The following EYA4 variants were observed in gnomAD, a reference collection of about 807,000 sequenced individuals.
The protein encoded by EYA4 is EYA transcriptional coactivator and phosphatase 4, also known as protein phosphatase EYA4.
In EYA4, 31 loss-of-function variants were observed where a neutral mutation model predicts 87.9. The observed-to-expected ratio is 0.35, with a 90% CI of 0.27 to 0.48. The LOEUF (loss-of-function observed/expected upper bound fraction) is 0.48, where lower values mean the gene tolerates loss of function less well. EYA4 is among the 20% of genes least tolerant of loss of function. The pLI, the probability that EYA4 is intolerant of heterozygous loss-of-function variation, is 0.99. For synonymous variants in EYA4, 263 were observed against 270.6 expected (o/e 0.97, Z 0.28); for missense variants, 678 against 761.4 (o/e 0.89, Z 1.29).
chr6:133,524,566 C>T (rs1476697778), intron 18 of EYA4, among the ~76,000 whole-genome samples: 1 of 152,174 alleles, frequency 6.6e-6, no homozygotes, highest in Non-Finnish European at 1.5e-5. Context: ...GGCTAACTCT[C>T]ACCCACTTGA....
chr6:133,265,009 C>T (rs1294252298), intron 1 of EYA4, among the ~76,000 whole-genome samples: 1 of 152,164 alleles, frequency 6.6e-6, no homozygotes, highest in Non-Finnish European at 1.5e-5. Flanking sequence ...AGGGACCTTA[C>T]AGTCTCTCCC....
intron 3 of EYA4, among the ~76,000 whole-genome samples, chr6:133,440,168 T>C (rs1792129174): frequency 6.6e-6 from 1 of 152,240 alleles, no homozygotes; most frequent in Non-Finnish European, 1.5e-5. Flanking sequence ...TATAAAATGT[T>C]ATTTCATTCT....
chr6:133,322,056 C>A (rs1272848706), intron 2 of EYA4, among the ~76,000 whole-genome samples: 1 of 152,140 alleles, frequency 6.6e-6, no homozygotes, highest in African/African-American at 2.4e-5. Flanking sequence ...GGATTTTGAG[C>A]CAGAGGGCTT....
At chr6:133,256,656 A>G (rs1287213276) in intron 1 of EYA4, among the ~76,000 whole-genome samples, 3 of 152,224 alleles carry the variant, frequency 2.0e-5, no homozygotes, top group East Asian at 3.9e-4. Flanking sequence ...ACTTATTATA[A>G]TCTGTTTAAT....
At chr6:133,523,550 G>A (rs1192878188) in intron 18 of EYA4, among the ~76,000 whole-genome samples, 1 of 152,122 alleles carries the variant, frequency 6.6e-6, no homozygotes, top group Non-Finnish European at 1.5e-5. Flanking sequence ...TGGCTTTGCA[G>A]GGGATTCTTT....
At chr6:133,259,629 A>G (rs1452770700) in intron 1 of EYA4, among the ~76,000 whole-genome samples, 1 of 152,244 alleles carries the variant, frequency 6.6e-6, no homozygotes, top group Non-Finnish European at 1.5e-5. Flanking sequence ...AAATTTAAGG[A>G]AAGCAAACAG....
At chr6:133,275,282 C>A (rs2128269830) in intron 2 of EYA4, among the ~76,000 whole-genome samples, 1 of 152,292 alleles carries the variant, frequency 6.6e-6, no homozygotes, top group African/African-American at 2.4e-5. Flanking sequence ...AATGCACCAG[C>A]TTGATGGCAA....
Position 133,249,301 on chromosome 6 carries a change from G to A in EYA4, c.-66+7552G>A, listed in dbSNP as rs557937258. Among the ~76,000 whole-genome samples, 45 of 152,240 alleles carry A rather than the reference G, an allele frequency of 3.0e-4. 1 individual carries two copies. The highest frequency in any genetic ancestry group is 1.0e-3 in the African/African-American group (43 of 41,538). ...ACAATTGTCCTATACACACTTGTTC[G>A]TATTAATGTTGTCATAACAAATATA... On this transcript the variant is annotated intron_variant, in intron 1 of 19. Coordinates refer to ENST00000355286, the MANE Select transcript of EYA4 (RefSeq NM_004100.5).
At chr6:133,245,602 A>G (rs946937596) in intron 1 of EYA4, among the ~76,000 whole-genome samples, 1 of 152,340 alleles carries the variant, frequency 6.6e-6, no homozygotes, top group East Asian at 1.9e-4. Flanking sequence ...CTGCTAAACT[A>G]AGAAATGACA....
At chr6:133,407,837 A>G (rs146178905) in intron 3 of EYA4, among the ~76,000 whole-genome samples, 2,023 of 152,296 alleles carry the variant, frequency 0.013, 51 homozygotes, top group African/African-American at 0.044. Flanking sequence ...TTCCTAGACC[A>G]CTATCTGTCA....
At chr6:133,474,116 A>C (rs967425760) in intron 11 of EYA4, among the ~76,000 whole-genome samples, 1 of 152,158 alleles carries the variant, frequency 6.6e-6, no homozygotes, top group East Asian at 1.9e-4. Flanking sequence ...GTGAAACCAC[A>C]GAAGTATTTA....
intron 1 of EYA4, chr6:133,247,489 T>C (rs1774504660): frequency 1.3e-5 from 2 of 152,342 alleles, no homozygotes; most frequent in Admixed American, 6.5e-5. Flanking sequence ...AAAGAGTGCA[T>C]GATGGACTTC....
intron 11 of EYA4, among the ~76,000 whole-genome samples, chr6:133,479,101 A>G (rs777594576): frequency 6.6e-6 from 1 of 152,194 alleles, no homozygotes. Context: ...TTTAATCACC[A>G]TTTTATTTGA....
At chr6:133,314,782 C>T (rs1253038437) in intron 2 of EYA4, among the ~76,000 whole-genome samples, 1 of 152,038 alleles carries the variant, frequency 6.6e-6, no homozygotes, top group African/African-American at 2.4e-5. Context: ...ACTGTTAAAA[C>T]ATGTTTAGCT....
chr6:133,287,650 G>A (rs1778171017), intron 2 of EYA4, among the ~76,000 whole-genome samples: 1 of 152,178 alleles, frequency 6.6e-6, no homozygotes, highest in Non-Finnish European at 1.5e-5. Flanking sequence ...TAACAGTCCT[G>A]TATTTCTGGA....
chr6:133,275,325 G>A (rs757095477), intron 2 of EYA4, among the ~76,000 whole-genome samples: 11 of 152,132 alleles, frequency 7.2e-5, no homozygotes, highest in Non-Finnish European at 1.6e-4. Context: ...CAAGGGAAAG[G>A]CTCTTTGCAA....
At chr6:133,522,147 G>A (rs1167338686) in intron 17 of EYA4, among the ~76,000 whole-genome samples, 5 of 148,046 alleles carry the variant, frequency 3.4e-5, no homozygotes, top group Non-Finnish European at 6.0e-5. Context: ...AAAAAATTCT[G>A]GTGCATCTAC....
At chr6:133,374,740 G>C (rs769902841) in intron 2 of EYA4, among the ~76,000 whole-genome samples, 4 of 151,924 alleles carry the variant, frequency 2.6e-5, no homozygotes, top group African/African-American at 4.8e-5. Flanking sequence ...AGGTTGAAAA[G>C]TGATATAGTA....
intron 1 of EYA4, among the ~76,000 whole-genome samples, chr6:133,262,269 T>C (rs74708887): frequency 0.042 from 6,421 of 152,298 alleles, 494 homozygotes; most frequent in African/African-American, 0.15. Context: ...GGCAGATTGC[T>C]TCTAAGAAAG....
Sources: allele counts gnomAD v4.1 joint callset (sites outside exome capture counted in the v4.1 genomes callset), GRCh38; gene constraint gnomAD v4.1.1; transcripts MANE v1.5; gene names NCBI Gene and HGNC (gene_info 2026-07-23, HGNC 2026-07-21).